The following TCTN2 variants were observed in gnomAD, a reference collection of about 807,000 sequenced individuals.
TCTN2 encodes tectonic-2.
Under a neutral mutation model 83.4 loss-of-function variants are expected in TCTN2, and 66 were observed. The observed-to-expected ratio is 0.79, with a 90% CI of 0.65 to 0.97. The LOEUF is 0.97. TCTN2 is among the 50% of genes least tolerant of loss of function. The probability of loss-of-function intolerance (pLI) is 0.00; values close to 1 mark genes in which losing one functional copy is unlikely to be tolerated. For missense variants in TCTN2, 794 were observed against 858.1 expected (o/e 0.93, Z 0.93); for synonymous variants, 301 against 326.7 (o/e 0.92, Z 0.85).
At chr12:123,699,670 G>T (rs1437515235) in intron 13 of TCTN2, 34 bp from the exon 14 acceptor site, 3 of 1,535,880 alleles carry the variant, frequency 2.0e-6, no homozygotes, top group African/African-American at 1.4e-5. Context: ...AGACCTGCTG[G>T]CCATGAGCTG....
At chr12:123,690,038 G>A (rs1264514614) in intron 7 of TCTN2, among the ~76,000 whole-genome samples, 1 of 152,176 alleles carries the variant, frequency 6.6e-6, no homozygotes, top group East Asian at 1.9e-4. Flanking sequence ...GGGCTCAAAT[G>A]ATTCTCCCAC....
At chr12:123,692,560 C>T (rs1956056155) in intron 8 of TCTN2, 98 bp from the exon 9 acceptor site, 5 of 979,332 alleles carry the variant, frequency 5.1e-6, no homozygotes, top group Admixed American at 1.8e-5. Context: ...TGGGCAGTTG[C>T]GGTCACCATA....
intron 7 of TCTN2, among the ~76,000 whole-genome samples, chr12:123,689,377 G>A (rs962900458): frequency 2.6e-5 from 4 of 152,146 alleles, no homozygotes; most frequent in Admixed American, 2.6e-4. Flanking sequence ...TGTAGAGATG[G>A]GGGTTTCACT....
At chr12:123,695,495 C>A in intron 11 of TCTN2, 198 bp downstream of exon 11, 1 of 467,660 alleles carries the variant, frequency 2.1e-6, no homozygotes, top group Non-Finnish European at 3.9e-6. Context: ...AATCTCGGCT[C>A]ACTGCAACCT....
chr12:123,673,518 CG>C, intron 3 of TCTN2, 96 bp from the exon 4 acceptor site: 1 of 1,198,178 alleles, frequency 8.3e-7, no homozygotes, highest in Non-Finnish European at 1.2e-6. Context: ...ATAAAATGAA[CG>C]GAGGCTGATG....
chr12:123,671,162 C>T lies in TCTN2; in HGVS notation c.-79C>T. 4.4e-6 allele frequency: 6 copies of T among 1,378,180 alleles called. No homozygotes were observed. The highest frequency in any genetic ancestry group is 2.5e-5 in the East Asian group (1 of 40,414). The allele number at this position is 1,378,180 out of a possible 1,614,324, so 85.4% of individuals were successfully genotyped here. On this transcript the variant is annotated 5_prime_UTR_variant, in exon 1 of 18. Coordinates refer to ENST00000303372, the MANE Select transcript of TCTN2 (RefSeq NM_024809.5). ...GATGGCGGCGGCGGGGCAGTGGCTGCTGCGTTTTCGTGTCTGAGTCCTTCC... is the reference window on the plus strand; with the variant it reads ...GATGGCGGCGGCGGGGCAGTGGCTGTTGCGTTTTCGTGTCTGAGTCCTTCC...
At chr12:123,680,388 ATT>A (rs1204785087) in intron 5 of TCTN2, among the ~76,000 whole-genome samples, 2 of 146,828 alleles carry the variant, frequency 1.4e-5, no homozygotes, top group African/African-American at 5.0e-5. Flanking sequence ...TTTTGAGTAA[ATT>A]TTTTTTTTTT....
At chr12:123,700,678 G>A (rs2135854232) in intron 14 of TCTN2, among the ~76,000 whole-genome samples, 1 of 152,356 alleles carries the variant, frequency 6.6e-6, no homozygotes, top group African/African-American at 2.4e-5. Flanking sequence ...TGATCCACCT[G>A]CCTCGGCCTC....
intron 4 of TCTN2, among the ~76,000 whole-genome samples, chr12:123,676,431 G>A (rs1955821763): frequency 6.6e-6 from 1 of 151,880 alleles, no homozygotes; most frequent in Admixed American, 6.6e-5. Context: ...AGCCGGGTAT[G>A]GTGGCGGGTG....
chr12:123,674,419 C>A (rs76066949), intron 4 of TCTN2, among the ~76,000 whole-genome samples: 3 of 152,084 alleles, frequency 2.0e-5, no homozygotes, highest in Admixed American at 6.6e-5. Flanking sequence ...TACAGGCTCA[C>A]GCTACCACGC....
At position 123,688,183 on chromosome 12, in the gene TCTN2, C is replaced by G. The variant is rs766692860; in HGVS notation, c.891+6C>G. ...CATATTTTACTATTCCGCAGGTAATCGTTGCAATATTAGTATGCTAGACCG... is the reference window on the plus strand; with the variant it reads ...CATATTTTACTATTCCGCAGGTAATGGTTGCAATATTAGTATGCTAGACCG... On this transcript the variant is annotated splice_donor_region_variant and intron_variant, in intron 7 of 17. Transcript: ENST00000303372. The G allele has an allele frequency of 8.2e-6, 13 of 1,592,844 alleles. No homozygotes were observed. Among genetic ancestry groups the G allele is most frequent in the Middle Eastern group, 1.7e-4 (1 of 5,970 alleles).
intron 4 of TCTN2, among the ~76,000 whole-genome samples, chr12:123,676,034 T>G (rs1677379632): frequency 6.6e-6 from 1 of 152,144 alleles, no homozygotes; most frequent in African/African-American, 2.4e-5. Flanking sequence ...ATCCCAACAC[T>G]TTTAGAGGCT....
chr12:123,695,153 C>T (rs1956092093), intron 10 of TCTN2, 67 bp from the exon 11 acceptor site: 3 of 1,385,134 alleles, frequency 2.2e-6, no homozygotes, highest in South Asian at 1.2e-5. Context: ...AAGGTAAACA[C>T]TATGGAGAAT....
chr12:123,699,213 G>A (rs990017016), intron 13 of TCTN2, among the ~76,000 whole-genome samples: 16 of 151,518 alleles, frequency 1.1e-4, no homozygotes, highest in Non-Finnish European at 2.2e-4. Flanking sequence ...GAGTGCAGTG[G>A]TACGATCTCA....
chr12:123,700,030 G>A, intron 14 of TCTN2: 1 of 607,290 alleles, frequency 1.6e-6, no homozygotes, highest in Non-Finnish European at 2.9e-6. Context: ...TTGTTTTTTT[G>A]AGACAGGGTT....
At chr12:123,699,129 T>C (rs80039618) in intron 13 of TCTN2, among the ~76,000 whole-genome samples, 22 of 151,954 alleles carry the variant, frequency 1.4e-4, no homozygotes, top group Middle Eastern at 6.8e-3. Context: ...TTGTGAACCA[T>C]GTGATTCCCA....
chr12:123,673,299 T>G (rs1464920358), intron 3 of TCTN2, among the ~76,000 whole-genome samples: 1 of 152,210 alleles, frequency 6.6e-6, no homozygotes, highest in Non-Finnish European at 1.5e-5. Context: ...TTTTTGTGTA[T>G]TTACTCTTCC....
At chr12:123,692,320 T>C (rs1394177151) in intron 8 of TCTN2, among the ~76,000 whole-genome samples, 1 of 152,222 alleles carries the variant, frequency 6.6e-6, no homozygotes, top group Non-Finnish European at 1.5e-5. Flanking sequence ...GCTGGGATTA[T>C]AGGCGTGAGC....
intron 15 of TCTN2, among the ~76,000 whole-genome samples, chr12:123,705,161 G>GTTTTT (rs71308014): frequency 8.5e-5 from 10 of 117,708 alleles, no homozygotes; most frequent in Admixed American, 9.0e-5. Context: ...GCCTCCATCA[G>GTTTTT]TTTTTTTTTT....
Sources: allele counts gnomAD v4.1 joint callset (sites outside exome capture counted in the v4.1 genomes callset), GRCh38; gene constraint gnomAD v4.1.1; transcripts MANE v1.5; gene names NCBI Gene and HGNC (gene_info 2026-07-23, HGNC 2026-07-21).